Variants in HCLS1 observed in about 807,000 individuals in gnomAD.
HCLS1 encodes hematopoietic cell-specific Lyn substrate 1, also known as hematopoietic lineage cell-specific protein.
A neutral mutation model predicts 68.6 loss-of-function variants in HCLS1; 44 were observed. The observed-to-expected ratio is 0.64, with a 90% CI of 0.50 to 0.82. The LOEUF (loss-of-function observed/expected upper bound fraction) is 0.82. Among genes scored for constraint, HCLS1 ranks in the 40% least tolerant of loss-of-function variants. The pLI is 0.00. For missense variants in HCLS1, 602 were observed against 612.1 expected, an observed-to-expected ratio of 0.98 and a Z score of 0.17; for synonymous variants, 217 against 225.8, an observed-to-expected ratio of 0.96 and a Z score of 0.35.
chr3:121,643,265 A>G (rs964551821), intron 5 of HCLS1: 3 of 267,636 alleles, frequency 1.1e-5, no homozygotes, highest in African/African-American at 2.1e-5. Context: ...GTCTCTTTCA[A>G]TATAAAATCA....
intron 6 of HCLS1, among the ~76,000 whole-genome samples, chr3:121,638,258 T>C (rs1281560800): frequency 6.6e-6 from 1 of 152,138 alleles, no homozygotes; most frequent in Admixed American, 6.6e-5. Context: ...TGATAGGATC[T>C]CACTGTGTTG....
chr3:121,644,916 G>A lies in HCLS1; in HGVS notation c.301C>T (p.His101Tyr). ...TTCTCCACCTCGGCAACATACTCAT[G>A]GCCCACTGCACTCTGAGAAAAATCA... is the stretch of plus-strand genomic sequence containing the variant. The part of the protein sequence containing the change: ...RDRMDKSAVG[H>Y]EYVAEVEKHS... The change falls in exon 5 of 14, where the codon CAT (histidine) becomes TAT (tyrosine). Residue 101 changes from histidine to tyrosine, a missense_variant. Transcript: ENST00000314583. The A allele has an allele frequency of 5.0e-6, 8 of 1,613,012 alleles. No homozygotes were observed. The highest frequency in any genetic ancestry group is 6.8e-6 in the Non-Finnish European group (8 of 1,179,042).
intron 1 of HCLS1, 73 bp downstream of exon 1, chr3:121,660,747 C>T (rs1403829908): frequency 6.6e-6 from 1 of 152,392 alleles, no homozygotes; most frequent in African/African-American, 2.4e-5. Context: ...TCACCAAGGA[C>T]TAAGAGCCAG....
intron 3 of HCLS1, among the ~76,000 whole-genome samples, chr3:121,649,407 G>A (rs1443315478): frequency 1.3e-5 from 2 of 152,120 alleles, no homozygotes; most frequent in South Asian, 2.1e-4. Flanking sequence ...GCTAGATTTT[G>A]TATTTTTAGT....
chr3:121,634,123 A>T, intron 10 of HCLS1, 84 bp downstream of exon 10: 2 of 1,590,882 alleles, frequency 1.3e-6, no homozygotes, highest in Non-Finnish European at 1.7e-6. Flanking sequence ...ACTTTGCCTT[A>T]TTTTCTGCCA....
At chr3:121,633,033 G>C in intron 11 of HCLS1, 34 bp downstream of exon 11, 1 of 1,415,130 alleles carries the variant, frequency 7.1e-7, no homozygotes. Context: ...GAGAAGATGG[G>C]GTGGGGGCAG....
chr3:121,633,029 A>C (rs1481421898), intron 11 of HCLS1, 38 bp downstream of exon 11: 4 of 1,391,014 alleles, frequency 2.9e-6, no homozygotes, highest in Non-Finnish European at 4.1e-6. Flanking sequence ...ACTCGAGAAG[A>C]TGGGGTGGGG....
At chr3:121,639,106 A>G (rs2049175482) in intron 6 of HCLS1, among the ~76,000 whole-genome samples, 1 of 152,180 alleles carries the variant, frequency 6.6e-6, no homozygotes, top group Non-Finnish European at 1.5e-5. Flanking sequence ...ACAAATCTGT[A>G]ATAGTAGTTG....
In HCLS1 at chr3:121,631,709, G is replaced by A; in HGVS notation, c.*137C>T. The A allele has an allele frequency of 1.2e-6, 1 of 861,032 alleles. No homozygotes were observed. Among genetic ancestry groups the A allele is most frequent in the Non-Finnish European group, 1.8e-6 (1 of 556,498 alleles). 53.3% of individuals were successfully genotyped at this position (861,032 alleles called of 1,614,324 possible). On this transcript the variant is annotated 3_prime_UTR_variant, in exon 14 of 14. Coordinates refer to ENST00000314583, the MANE Select transcript of HCLS1 (RefSeq NM_005335.6). ...CTTCCCCATGCTGTCTCTGCCCCAA[G>A]CCCTTAATGAAGCAGGAGAGGGAAG...
intron 3 of HCLS1, chr3:121,656,815 T>C (rs919121289): frequency 1.3e-4 from 20 of 153,082 alleles, no homozygotes; most frequent in Non-Finnish European, 2.8e-4. Context: ...GTTCTTCACC[T>C]TGACATTTTA....
rs147742489 is a variant in HCLS1 at position 121,632,169 on chromosome 3, G to A, written c.1256C>T (p.Pro419Leu). 9.2e-4 allele frequency: 1,491 copies of A among 1,613,908 alleles called. No homozygotes were observed. Among genetic ancestry groups the A allele is most frequent in the Non-Finnish European group, 1.2e-3 (1,360 of 1,179,934 alleles). ...SSALAGSSGC[P>L]AGAGAGAVAL... ...CACAGCCCCAGCCCCAGCCCCAGCC[G>A]GGCAGCCTGATGATCCTGCATAATG... Residue 419 changes from proline to leucine, a missense_variant, in exon 13 of 14, where the codon CCG (proline) becomes CTG (leucine). Transcript: ENST00000314583.
At chr3:121,649,293 T>C (rs1202169825) in intron 3 of HCLS1, among the ~76,000 whole-genome samples, 1 of 152,104 alleles carries the variant, frequency 6.6e-6, no homozygotes, top group African/African-American at 2.4e-5. Flanking sequence ...TGGAGTGCAG[T>C]GGTATGATCT....
chr3:121,644,046 G>C (rs1230545010), intron 5 of HCLS1: 6 of 152,786 alleles, frequency 3.9e-5, no homozygotes, highest in Non-Finnish European at 8.8e-5. Flanking sequence ...CCAATCCTTA[G>C]CTTTAAGGAT....
rs190565336 is a variant in HCLS1 at position 121,645,314 on chromosome 3, G to A, written c.289-386C>T. Among the ~76,000 whole-genome samples, 245 of 152,216 alleles carry A rather than the reference G, an allele frequency of 1.6e-3. 1 individual carries two copies. The highest frequency in any genetic ancestry group is 3.4e-3 in the Middle Eastern group (1 of 294). On this transcript the variant is annotated intron_variant, in intron 4 of 13. Transcript: ENST00000314583. ...GAGAGACCAAGGGGACTGACCGGAC[G>A]CCATAGCCGGGATGGAATATTTCAC...
At position 121,644,808 on chromosome 3, in the gene HCLS1, G is replaced by C. The variant is rs765724379; in HGVS notation, c.399+10C>G. The C allele has an allele frequency of 1.3e-6, 2 of 1,582,814 alleles. No individual in the cohort carries two copies. The highest frequency in any genetic ancestry group is 2.2e-5 in the South Asian group (2 of 90,550). On this transcript the variant is annotated intron_variant, in intron 5 of 13. Coordinates refer to ENST00000314583, the MANE Select transcript of HCLS1 (RefSeq NM_005335.6). ...GAGGTGGGTGGTTGGGAGAGAGAGTGGTCACTTACCTTGTCTGCCCTGTCC... is the reference window on the plus strand; with the variant it reads ...GAGGTGGGTGGTTGGGAGAGAGAGTCGTCACTTACCTTGTCTGCCCTGTCC...
chr3:121,655,493 A>G (rs1937843919), intron 3 of HCLS1: 1 of 65,592 alleles, frequency 1.5e-5, no homozygotes, highest in South Asian at 3.5e-4. Flanking sequence ...TTTTTTGCCA[A>G]TGCCTACTAT....
At chr3:121,634,103 C>A in intron 10 of HCLS1, 104 bp downstream of exon 10, 1 of 1,566,966 alleles carries the variant, frequency 6.4e-7, no homozygotes. Flanking sequence ...CTTGCCTAAC[C>A]CAGGGGAGGA....
chr3:121,653,206 C>T (rs560426840), intron 3 of HCLS1, among the ~76,000 whole-genome samples: 2 of 152,304 alleles, frequency 1.3e-5, no homozygotes, highest in Admixed American at 1.3e-4. Flanking sequence ...GCTGAAAAAA[C>T]TGTTGTGCAC....
At chr3:121,646,242 T>G (rs1430725176) in intron 4 of HCLS1, among the ~76,000 whole-genome samples, 2 of 108,820 alleles carry the variant, frequency 1.8e-5, no homozygotes, top group East Asian at 6.1e-4. Context: ...TATATATATT[T>G]TATATATATT....
Sources: gnomAD v4.1 joint callset for allele counts (sites outside exome capture counted in the v4.1 genomes callset) on GRCh38, gnomAD v4.1.1 for gene constraint, MANE v1.5 for transcripts, NCBI Gene and HGNC (gene_info 2026-07-23, HGNC 2026-07-21) for gene names.